OR52A1: variants seen among roughly 807,000 people sequenced by gnomAD.
The protein encoded by OR52A1 is olfactory receptor 52A1.
A neutral mutation model predicts 14.3 loss-of-function variants in OR52A1; 14 were observed. The ratio of observed to expected loss-of-function variants is 0.98; its 90% confidence interval spans 0.65 to 1.54. The LOEUF (loss-of-function observed/expected upper bound fraction) is 1.54. Ranked by LOEUF, OR52A1 falls within the 40% of genes most tolerant of loss-of-function variation. The probability of loss-of-function intolerance (pLI) is 0.00; values close to 1 mark genes in which losing one functional copy is unlikely to be tolerated. For synonymous variants in OR52A1, 151 were observed against 135.3 expected, an observed-to-expected ratio of 1.12 and a Z score of -0.80; for missense variants, 405 against 381.3, an observed-to-expected ratio of 1.06 and a Z score of -0.52.
chr11:5,149,020 T>C lies in OR52A1; in HGVS notation c.*2411A>G, dbSNP rs1846513757. ...GATTTCTAGAAACCTTTCTTGAAAA[T>C]TATCCTTACAAAAAATATTATTATC... On this transcript the variant is annotated 3_prime_UTR_variant, in exon 2 of 2. Coordinates refer to ENST00000380367, the MANE Select transcript of OR52A1 (RefSeq NM_012375.3). The C allele has an allele frequency of 1.3e-5, 2 of 152,216 alleles. No individual in the cohort carries two copies. The highest frequency in any genetic ancestry group is 2.1e-4 in the South Asian group (1 of 4,828). The allele number at this position is 152,216 out of a possible 1,614,324, so 9.4% of individuals were successfully genotyped here.
At position 5,151,762 on chromosome 11, in the gene OR52A1, A is replaced by C. The variant is rs1846545538; in HGVS notation, c.608T>G (p.Leu203Trp). The C allele has an allele frequency of 6.2e-7, 1 of 1,614,228 alleles. No homozygotes were observed. Among genetic ancestry groups the C allele is most frequent in the Non-Finnish European group, 8.5e-7 (1 of 1,180,024 alleles). ...TCCTGCTACAGTGAAGGCCACAAAC[A>C]AACCATAGATTTTGTTGACTTGAAC... ...ANVQVNKIYGLFVAFTVAGFD... is the reference protein window; with the variant it reads ...ANVQVNKIYGWFVAFTVAGFD... Residue 203 changes from leucine to tryptophan, a missense_variant, in exon 2 of 2, where the codon TTG becomes TGG. By Grantham distance (61) the Leu-to-Trp change is moderately conservative. Coordinates refer to ENST00000380367, the MANE Select transcript of OR52A1 (RefSeq NM_012375.3).
At position 5,146,868 on chromosome 11, in the gene OR52A1, T is replaced by C. The variant is rs1286201709; in HGVS notation, c.*4563A>G. The stretch of plus-strand genomic sequence containing the variant: ...GACCTTGCATGGAGGCGACCACAGT[T>C]ACTGTCCTCTGTTCCCATCCTCGAC... On this transcript the variant is annotated 3_prime_UTR_variant, in exon 2 of 2. Coordinates refer to ENST00000380367, the MANE Select transcript of OR52A1 (RefSeq NM_012375.3). The C allele has an allele frequency of 2.0e-5, 3 of 152,256 alleles. No homozygotes were observed. The highest frequency in any genetic ancestry group is 4.8e-5 in the African/African-American group (2 of 41,474). The allele number at this position is 152,256 out of a possible 1,614,324, so 9.4% of individuals were successfully genotyped here.
intron 1 of OR52A1, among the ~76,000 whole-genome samples, chr11:5,154,183 T>C (rs1846582831): frequency 1.3e-5 from 2 of 152,120 alleles, no homozygotes; most frequent in Admixed American, 1.3e-4. Flanking sequence ...GCAATCACAA[T>C]GTCTGACTTA....
chr11:5,148,042 T>A lies in OR52A1; in HGVS notation c.*3389A>T, dbSNP rs1846499874. 1 of 151,996 alleles carries A rather than the reference T, an allele frequency of 6.6e-6. No homozygotes were observed. The highest frequency in any genetic ancestry group is 2.4e-5 in the African/African-American group (1 of 41,360). The allele number at this position is 151,996 out of a possible 1,614,324, so 9.4% of individuals were successfully genotyped here. On this transcript the variant is annotated 3_prime_UTR_variant, in exon 2 of 2. Transcript: ENST00000380367. ...CGTCCATTTAACAATAAATTGAGGG[T>A]AATATTGATGTATTCTCACATTGAA...
chr11:5,152,635 A>T lies in OR52A1; in HGVS notation c.-266T>A. The T allele has an allele frequency of 2.8e-6, 1 of 358,430 alleles. No homozygotes were observed. Among genetic ancestry groups the T allele is most frequent in the Non-Finnish European group, 5.3e-6 (1 of 188,194 alleles). The allele number at this position is 358,430 out of a possible 1,614,324, so 22.2% of individuals were successfully genotyped here. On this transcript the variant is annotated 5_prime_UTR_variant, in exon 2 of 2. Transcript: ENST00000380367. ...GCAATCCAAATACATTAGAACCAGC[A>T]AAATCACCTGGACAGGGGATTGGAC...
rs5789370 is a variant in OR52A1 at position 5,150,213 on chromosome 11, GAC to G, written c.*1216_*1217del. 0.59 allele frequency: 84,848 copies of G among 144,404 alleles called. 25,556 individuals carry two copies. Among genetic ancestry groups the G allele is most frequent in the Middle Eastern group, 0.7 (202 of 288 alleles). The allele number at this position is 144,404 out of a possible 1,614,324, so 8.9% of individuals were successfully genotyped here. ...TGGTATGCTGCCACATGCCCAAGCA[GAC>G]ACACACACACACACACACACACACA... On this transcript the variant is annotated 3_prime_UTR_variant, in exon 2 of 2. Coordinates refer to ENST00000380367, the MANE Select transcript of OR52A1 (RefSeq NM_012375.3).
Position 5,154,479 on chromosome 11 carries a change from T to A in OR52A1, c.-354A>T, listed in dbSNP as rs774721295. On this transcript the variant is annotated 5_prime_UTR_variant, in exon 1 of 2. Transcript: ENST00000380367. ...TCTTCTCCAAGGATTCCAGCTTCAT[T>A]CCCTTAAGTTGTGGGTTCTGTGATG... The A allele has an allele frequency of 6.6e-6, 1 of 152,252 alleles. No individual in the cohort carries two copies. The highest frequency in any genetic ancestry group is 1.5e-5 in the Non-Finnish European group (1 of 68,044). The allele number at this position is 152,252 out of a possible 1,614,324, so 9.4% of individuals were successfully genotyped here.
chr11:5,148,576 G>A lies in OR52A1; in HGVS notation c.*2855C>T, dbSNP rs1846508803. 6.6e-6 allele frequency: 1 copy of A among 151,850 alleles called. No homozygotes were observed. Among genetic ancestry groups the A allele is most frequent in the Admixed American group, 6.6e-5 (1 of 15,240 alleles). 9.4% of individuals were successfully genotyped at this position (151,850 alleles called of 1,614,324 possible). A position where few individuals can be genotyped will look rare whatever the true frequency, so the allele number is the denominator to read the frequency against. ...AGCGTTCTGCTCCTAATAGGTCAAA[G>A]GTCTCCAATGTTAAGACTTTTTACT... is the stretch of plus-strand genomic sequence containing the variant. On this transcript the variant is annotated 3_prime_UTR_variant, in exon 2 of 2. Transcript: ENST00000380367.
In OR52A1 at chr11:5,151,012, GA is replaced by G. The variant is rs1281651868; in HGVS notation, c.*418del. On this transcript the variant is annotated 3_prime_UTR_variant, in exon 2 of 2. Transcript: ENST00000380367. ...AACACAGTTAACATGTACTTCCTTT[GA>G]TTTTTTTTTTTAAGGCAGGGATGAT... The G allele has an allele frequency of 6.5e-6, 1 of 153,272 alleles. No homozygotes were observed. Among genetic ancestry groups the G allele is most frequent in the Non-Finnish European group, 1.4e-5 (1 of 69,280 alleles). 9.5% of individuals were successfully genotyped at this position (153,272 alleles called of 1,614,324 possible). A position where few individuals can be genotyped will look rare whatever the true frequency, so the allele number is the denominator to read the frequency against.
In OR52A1 at chr11:5,147,902, C is replaced by CCTG. The variant is rs1392041851; in HGVS notation, c.*3526_*3528dup. ...CTGCCTCCCGGGTTCAAGCGATTCTCCTGCCTTAGCCTCAGGAGTAGCTAG... is the reference window on the plus strand; with the variant it reads ...CTGCCTCCCGGGTTCAAGCGATTCTCCTGCTGCCTTAGCCTCAGGAGTAGCTAG... On this transcript the variant is annotated 3_prime_UTR_variant, in exon 2 of 2. Transcript: ENST00000380367. The CCTG allele has an allele frequency of 1.3e-5, 2 of 151,620 alleles. No individual in the cohort carries two copies. Among genetic ancestry groups the CCTG allele is most frequent in the Non-Finnish European group, 2.9e-5 (2 of 68,016 alleles). The allele number at this position is 151,620 out of a possible 1,614,324, so 9.4% of individuals were successfully genotyped here.
chr11:5,151,505 A>G lies in OR52A1; in HGVS notation c.865T>C (p.Phe289Leu). The G allele has an allele frequency of 1.9e-6, 3 of 1,614,156 alleles. No individual in the cohort carries two copies. Among genetic ancestry groups the G allele is most frequent in the Non-Finnish European group, 2.5e-6 (3 of 1,179,992 alleles). ...FSSIYLLVPP[F>L]LNPLVYGAKT... ...GCACCATAGACAAGTGGATTGAGAAATGGAGGGACCAGCAAGTAAATGCTA... is the reference window on the plus strand; with the variant it reads ...GCACCATAGACAAGTGGATTGAGAAGTGGAGGGACCAGCAAGTAAATGCTA... Residue 289 changes from phenylalanine (F) to leucine (L), a missense_variant, in exon 2 of 2, where the codon TTT becomes CTT. Coordinates refer to ENST00000380367, the MANE Select transcript of OR52A1 (RefSeq NM_012375.3).
In OR52A1 at chr11:5,151,239, C is replaced by T. The variant is rs1846535651; in HGVS notation, c.*192G>A. 1.8e-6 allele frequency: 1 copy of T among 545,184 alleles called. No homozygotes were observed. The highest frequency in any genetic ancestry group is 1.9e-5 in the African/African-American group (1 of 53,072). The allele number at this position is 545,184 out of a possible 1,614,324, so 33.8% of individuals were successfully genotyped here. A position where few individuals can be genotyped will look rare whatever the true frequency, so the allele number is the denominator to read the frequency against. On this transcript the variant is annotated 3_prime_UTR_variant, in exon 2 of 2. Transcript: ENST00000380367. ...TATATTCACTACTTCACTCATTTCA[C>T]ACTTCTCACTTTCATTAGTCACGTA...
At position 5,151,294 on chromosome 11, in the gene OR52A1, C is replaced by A. The variant is rs1008229227; in HGVS notation, c.*137G>T. 3 of 699,498 alleles carry A rather than the reference C, an allele frequency of 4.3e-6. No individual in the cohort carries two copies. In the South Asian group the frequency reaches 5.6e-5, roughly 13 times the overall value. The allele number at this position is 699,498 out of a possible 1,614,324, so 43.3% of individuals were successfully genotyped here. A position where few individuals can be genotyped will look rare whatever the true frequency, so the allele number is the denominator to read the frequency against. Reference sequence around the variant, plus strand: ...TCACAATCCCACTGATTGATATGAGCCATGATGATCTAAAACCAGCTATTG... The same window carrying A: ...TCACAATCCCACTGATTGATATGAGACATGATGATCTAAAACCAGCTATTG... On this transcript the variant is annotated 3_prime_UTR_variant, in exon 2 of 2. Coordinates refer to ENST00000380367, the MANE Select transcript of OR52A1 (RefSeq NM_012375.3).
chr11:5,152,698 C>CA lies in OR52A1; in HGVS notation c.-321-9dup, dbSNP rs545528309. On this transcript the variant is annotated splice_polypyrimidine_tract_variant and intron_variant, in intron 1 of 1. Transcript: ENST00000380367. ...TGTTATTTCTTTCCAGACCTGTGGACAAAAAAAAAAAGAAGTTTATTTTTA... is the reference window on the plus strand; with the variant it reads ...TGTTATTTCTTTCCAGACCTGTGGACAAAAAAAAAAAAGAAGTTTATTTTTA... 1,994 of 176,336 alleles carry CA rather than the reference C, an allele frequency of 0.011. No homozygotes were observed. The highest frequency in any genetic ancestry group is 0.017 in the East Asian group (116 of 6,980). The allele number at this position is 176,336 out of a possible 1,614,324, so 10.9% of individuals were successfully genotyped here. A position where few individuals can be genotyped will look rare whatever the true frequency, so the allele number is the denominator to read the frequency against.
At chr11:5,153,419 TAGA>T (rs1353533169) in intron 1 of OR52A1, among the ~76,000 whole-genome samples, 2 of 152,200 alleles carry the variant, frequency 1.3e-5, no homozygotes, top group East Asian at 1.9e-4. Flanking sequence ...ACAGATTTCT[TAGA>T]AGAAGTCAAA....
In OR52A1 at chr11:5,152,395, A is replaced by T. The variant is rs377119143; in HGVS notation, c.-26T>A. The T allele has an allele frequency of 7.9e-6, 12 of 1,515,120 alleles. No individual in the cohort carries two copies. Among genetic ancestry groups the T allele is most frequent in the Non-Finnish European group, 9.9e-6 (11 of 1,114,736 alleles). The allele number at this position is 1,515,120 out of a possible 1,614,324, so 93.9% of individuals were successfully genotyped here. ...AGTGTCGTTGGGTCTCCTGATGCAAACAAAAGAAGTTTCTCAGTCAGTGTT... is the reference window on the plus strand; with the variant it reads ...AGTGTCGTTGGGTCTCCTGATGCAATCAAAAGAAGTTTCTCAGTCAGTGTT... On this transcript the variant is annotated 5_prime_UTR_variant, in exon 2 of 2. Transcript: ENST00000380367.
chr11:5,148,077 G>A lies in OR52A1; in HGVS notation c.*3354C>T, dbSNP rs780523548. The A allele has an allele frequency of 2.6e-5, 4 of 152,092 alleles. No homozygotes were observed. Among genetic ancestry groups the A allele is most frequent in the African/African-American group, 7.2e-5 (3 of 41,410 alleles). The allele number at this position is 152,092 out of a possible 1,614,324, so 9.4% of individuals were successfully genotyped here. On this transcript the variant is annotated 3_prime_UTR_variant, in exon 2 of 2. Coordinates refer to ENST00000380367, the MANE Select transcript of OR52A1 (RefSeq NM_012375.3). Reference sequence around the variant, plus strand: ...GTATTCTCACATTGAAATGGAGACCGCTTAGGAATATCAGCATAGAAGGCT... The same window carrying A: ...GTATTCTCACATTGAAATGGAGACCACTTAGGAATATCAGCATAGAAGGCT...
At position 5,151,893 on chromosome 11, in the gene OR52A1, G is replaced by T. The variant is rs747453667; in HGVS notation, c.477C>A (p.Ala159=). 4.0e-5 allele frequency: 65 copies of T among 1,613,924 alleles called. No individual in the cohort carries two copies. The highest frequency in any genetic ancestry group is 5.3e-5 in the Non-Finnish European group (63 of 1,180,018). Residue 159 remains alanine, a synonymous_variant, in exon 2 of 2, where the codon GCC becomes GCA. Transcript: ENST00000380367. ...MVVLRAAILV[A]PCLVLIKCRF... ...GGCACTTTATCAGTACTAGGCATGG[G>T]GCTACAAGAATAGCAGCCCTGAGTA...
chr11:5,153,928 ACTG>A (rs908484447), intron 1 of OR52A1, among the ~76,000 whole-genome samples: 1 of 151,798 alleles, frequency 6.6e-6, no homozygotes, highest in African/African-American at 2.4e-5. Flanking sequence ...CAAATGTTCA[ACTG>A]CTGCTAAACT....
Sources: gnomAD v4.1 joint callset for allele counts (sites outside exome capture counted in the v4.1 genomes callset) on GRCh38, gnomAD v4.1.1 for gene constraint, MANE v1.5 for transcripts, NCBI Gene and HGNC (gene_info 2026-07-23, HGNC 2026-07-21) for gene names.